PDE10A: variants seen among roughly 807,000 people sequenced by gnomAD.
PDE10A encodes cAMP and cAMP-inhibited cGMP 3',5'-cyclic phosphodiesterase 10A.
PDE10A carries 39 observed loss-of-function variants against 97.7 expected under a neutral mutation model. The ratio of observed to expected loss-of-function variants is 0.40; its 90% CI spans 0.31 to 0.52. The LOEUF (loss-of-function observed/expected upper bound fraction) is 0.52. PDE10A is among the 20% of genes least tolerant of loss of function. The probability of loss-of-function intolerance (pLI) is 0.56; values close to 1 mark genes in which losing one functional copy is unlikely to be tolerated. For missense variants in PDE10A, 731 were observed against 1,047.8 expected (o/e 0.70, Z 4.17); for synonymous variants, 371 against 376.8 (o/e 0.98, Z 0.18).
intron 1 of PDE10A, among the ~76,000 whole-genome samples, chr6:165,833,268 C>A (rs919827853): frequency 2.0e-5 from 3 of 152,186 alleles, no homozygotes; most frequent in Admixed American, 2.0e-4. Context: ...GAGCTAGAGG[C>A]AATTTGTCCA....
At chr6:165,485,467 CAAAAAAA>C (rs534131585) in intron 2 of PDE10A, among the ~76,000 whole-genome samples, 2 of 50,258 alleles carry the variant, frequency 4.0e-5, no homozygotes, top group African/African-American at 6.7e-5. Context: ...GACTCTGTCT[CAAAAAAA>C]AAAAAAAAAA....
intron 1 of PDE10A, among the ~76,000 whole-genome samples, chr6:165,909,433 G>A (rs1002851275): frequency 2.0e-5 from 3 of 152,232 alleles, no homozygotes. Flanking sequence ...GGACACCGTA[G>A]CTTAGGACAA....
At chr6:165,435,095 C>T in intron 6 of PDE10A, 142 bp downstream of exon 6, 2 of 773,178 alleles carry the variant, frequency 2.6e-6, no homozygotes, top group Non-Finnish European at 4.1e-6. Flanking sequence ...AATTAACTTA[C>T]ACATTAATAT....
intron 2 of PDE10A, among the ~76,000 whole-genome samples, chr6:165,490,123 A>G (rs1189012470): frequency 2.6e-5 from 4 of 152,228 alleles, no homozygotes; most frequent in African/African-American, 9.6e-5. Context: ...CAAAAAGATC[A>G]TTGCCTAGGC....
intron 1 of PDE10A, among the ~76,000 whole-genome samples, chr6:165,606,065 G>A (rs2128398459): frequency 6.7e-6 from 1 of 149,924 alleles, no homozygotes; most frequent in South Asian, 2.2e-4. Context: ...TGTTTGTTGA[G>A]TAACGCAGGC....
At chr6:165,370,853 A>G (rs1222667978) in intron 18 of PDE10A, among the ~76,000 whole-genome samples, 1 of 150,106 alleles carries the variant, frequency 6.7e-6, no homozygotes, top group Non-Finnish European at 1.5e-5. Flanking sequence ...AGCAAATGTA[A>G]AAGAACAGAA....
chr6:165,366,529 C>T (rs1174298925), intron 18 of PDE10A, among the ~76,000 whole-genome samples: 1 of 151,980 alleles, frequency 6.6e-6, no homozygotes, highest in African/African-American at 2.4e-5. Flanking sequence ...TAAAAACTGG[C>T]GTAAGTGGAA....
At chr6:165,692,842 T>C (rs757828071) in intron 1 of PDE10A, among the ~76,000 whole-genome samples, 2 of 152,184 alleles carry the variant, frequency 1.3e-5, no homozygotes, top group Non-Finnish European at 2.9e-5. Context: ...TTAGGGAAAG[T>C]ATTGTCTAAT....
intron 1 of PDE10A, among the ~76,000 whole-genome samples, chr6:165,889,455 G>A (rs1004625032): frequency 2.0e-5 from 3 of 152,144 alleles, no homozygotes; most frequent in Non-Finnish European, 4.4e-5. Context: ...AAAGCCATTG[G>A]CTCTGCCACA....
chr6:165,378,980 A>G (rs761914430), intron 18 of PDE10A, among the ~76,000 whole-genome samples: 3 of 152,214 alleles, frequency 2.0e-5, no homozygotes, highest in Non-Finnish European at 4.4e-5. Context: ...TCCAATCTGT[A>G]TTTTGATTAT....
chr6:165,712,957 A>C (rs994288501), intron 1 of PDE10A, among the ~76,000 whole-genome samples: 9 of 152,146 alleles, frequency 5.9e-5, no homozygotes, highest in African/African-American at 2.2e-4. Flanking sequence ...ACTTCCTTTA[A>C]AAATACACTG....
chr6:165,864,998 CTTAG>C (rs953815883), intron 1 of PDE10A, among the ~76,000 whole-genome samples: 21 of 152,132 alleles, frequency 1.4e-4, no homozygotes, highest in African/African-American at 5.1e-4. Context: ...TCTATACAGT[CTTAG>C]TTATCTTTAA....
At chr6:165,906,799 ACTGAAGAAGCCCAGTCC>A (rs1360606428) in intron 1 of PDE10A, among the ~76,000 whole-genome samples, 3 of 152,234 alleles carry the variant, frequency 2.0e-5, no homozygotes, top group Non-Finnish European at 4.4e-5. Context: ...TCTAAGAGGC[ACTGAAGAAGCCCAGTCC>A]CTGGGTTGCA....
upstream of PDE10A, among the ~76,000 whole-genome samples, chr6:165,665,579 A>G (rs1225464196): frequency 6.6e-6 from 1 of 152,216 alleles, no homozygotes; most frequent in Non-Finnish European, 1.5e-5. Context: ...GCATACTGTC[A>G]TTATTAGGAG....
chr6:165,436,735 CTTAG>C (rs1439745508), intron 5 of PDE10A, among the ~76,000 whole-genome samples: 1 of 152,046 alleles, frequency 6.6e-6, no homozygotes, highest in Admixed American at 6.5e-5. Context: ...ACAGTTTCAA[CTTAG>C]TTATTCCTTA....
At chr6:165,599,308 C>A (rs1246678358) in intron 1 of PDE10A, among the ~76,000 whole-genome samples, 2 of 152,234 alleles carry the variant, frequency 1.3e-5, no homozygotes, top group Admixed American at 1.3e-4. Context: ...AACCTTTATG[C>A]ACAGTCCTTG....
intron 1 of PDE10A, among the ~76,000 whole-genome samples, chr6:165,830,891 C>A (rs888726678): frequency 7.9e-5 from 12 of 152,240 alleles, no homozygotes; most frequent in African/African-American, 2.4e-4. Flanking sequence ...CTTTAACATC[C>A]ATGATTGCAT....
At chr6:165,563,238 G>A (rs1784611270) in intron 1 of PDE10A, among the ~76,000 whole-genome samples, 2 of 144,462 alleles carry the variant, frequency 1.4e-5, no homozygotes, top group South Asian at 4.8e-4. Context: ...GAGGAAGGGG[G>A]AGAGGGAGAG....
At chr6:165,417,737 T>C (rs525235) in intron 11 of PDE10A, among the ~76,000 whole-genome samples, 19,896 of 152,182 alleles carry the variant, frequency 0.13, 1,378 homozygotes, top group Middle Eastern at 0.19. Context: ...CAGGAAGCGC[T>C]GAGGGGCAGA....
Sources: gnomAD v4.1 joint callset for allele counts (sites outside exome capture counted in the v4.1 genomes callset) on GRCh38, gnomAD v4.1.1 for gene constraint, MANE v1.5 for transcripts, NCBI Gene and HGNC (gene_info 2026-07-23, HGNC 2026-07-21) for gene names.